Variants in FLVCR2 observed in about 807,000 individuals in gnomAD.
The protein encoded by FLVCR2 is choline/ethanolamine transporter FLVCR2.
Under a neutral mutation model 48.9 loss-of-function variants are expected in FLVCR2, and 38 were observed. The observed-to-expected ratio is 0.78, with a 90% CI of 0.60 to 1.02. The LOEUF (loss-of-function observed/expected upper bound fraction) is 1.02. Ranked by LOEUF, FLVCR2 falls within the 50% of genes least tolerant of loss-of-function variation. The pLI, the probability that FLVCR2 is intolerant of heterozygous loss-of-function variation, is 0.00. For synonymous variants in FLVCR2, 255 were observed against 257.0 expected, an observed-to-expected ratio of 0.99 and a Z score of 0.07; for missense variants, 664 against 663.3, an observed-to-expected ratio of 1.00 and a Z score of -0.01.
chr14:75,596,173 A>C, intron 1 of FLVCR2: 1 of 755,670 alleles, frequency 1.3e-6, no homozygotes, highest in Non-Finnish European at 2.4e-6. Flanking sequence ...TTGATCATGA[A>C]CTTTCTAGTG....
chr14:75,613,104 A>G (rs2140028941), intron 1 of FLVCR2, among the ~76,000 whole-genome samples: 1 of 152,224 alleles, frequency 6.6e-6, no homozygotes, highest in East Asian at 1.9e-4. Flanking sequence ...TCACTTCCAC[A>G]TAATTCCCCA....
chr14:75,579,389 G>A lies in FLVCR2; in HGVS notation c.417G>A (p.Leu139=), dbSNP rs751611612. 2 of 1,614,138 alleles carry A rather than the reference G, an allele frequency of 1.2e-6. No individual in the cohort carries two copies. The highest frequency in any genetic ancestry group is 2.2e-5 in the South Asian group (2 of 91,078). ...CYMLTYIPLL[L]PVAWLLEKFG... The stretch of plus-strand genomic sequence containing the variant: ...TGCTGACTTACATCCCTCTGCTCCT[G>A]CCAGTGGCTTGGCTGCTGGAGAAGT... Residue 139 remains leucine, a synonymous_variant, in exon 1 of 10, where the codon CTG becomes CTA. Coordinates refer to ENST00000238667, the MANE Select transcript of FLVCR2 (RefSeq NM_017791.3).
intron 3 of FLVCR2, chr14:75,632,735 TTTAG>T (rs1292409695): frequency 2.8e-6 from 2 of 702,342 alleles, no homozygotes; most frequent in Non-Finnish European, 2.6e-6. Flanking sequence ...AGCCTCAATG[TTTAG>T]TTAAAGTTAG....
At position 75,579,297 on chromosome 14, in the gene FLVCR2, A is replaced by G; in HGVS notation, c.325A>G (p.Asn109Asp). The G allele has an allele frequency of 6.2e-7, 1 of 1,614,206 alleles. No individual in the cohort carries two copies. Among genetic ancestry groups the G allele is most frequent in the Non-Finnish European group, 8.5e-7 (1 of 1,180,032 alleles). Residue 109 changes from asparagine to aspartate, a missense_variant, in exon 1 of 10, where the codon AAT becomes GAT. Asn to Asp is a conservative substitution (Grantham distance 23). Transcript: ENST00000238667. ...SFQWIQYGSI[N>D]NIFMHFYGVS... is the part of the protein sequence containing the mutation. ...TCAGTGGATCCAGTACGGCTCCATC[A>G]ATAACATCTTCATGCACTTCTACGG...
At chr14:75,586,762 C>G (rs1297731890) in intron 1 of FLVCR2, among the ~76,000 whole-genome samples, 1 of 151,950 alleles carries the variant, frequency 6.6e-6, no homozygotes, top group Admixed American at 6.6e-5. Flanking sequence ...GGAGCATTAC[C>G]TTCTGCTTGC....
chr14:75,590,465 G>C (rs1401108744), intron 1 of FLVCR2, among the ~76,000 whole-genome samples: 2 of 152,154 alleles, frequency 1.3e-5, no homozygotes, highest in African/African-American at 4.8e-5. Context: ...CATCTCTATA[G>C]TCCTGAGAGT....
intron 1 of FLVCR2, among the ~76,000 whole-genome samples, chr14:75,620,659 T>G (rs941660067): frequency 9.2e-5 from 14 of 152,224 alleles, no homozygotes; most frequent in African/African-American, 3.4e-4. Flanking sequence ...TTCTAAAATA[T>G]CTAGCAGAGT....
chr14:75,624,481 T>G (rs950041390), intron 2 of FLVCR2, 131 bp from the exon 3 acceptor site: 1 of 1,076,420 alleles, frequency 9.3e-7, no homozygotes, highest in Non-Finnish European at 1.4e-6. Flanking sequence ...AGGGTTTAAT[T>G]AAAGAATTAC....
At chr14:75,629,497 C>A (rs1290255287) in intron 3 of FLVCR2, among the ~76,000 whole-genome samples, 3 of 152,102 alleles carry the variant, frequency 2.0e-5, no homozygotes, top group African/African-American at 7.2e-5. Flanking sequence ...CTGCCAGTGT[C>A]TTTGGTGTGT....
Position 75,599,982 on chromosome 14 carries a change from G to A in FLVCR2, c.669+20341G>A, listed in dbSNP as rs114840384. 6.7e-3 allele frequency among the ~76,000 whole-genome samples: 1,017 copies of A among 152,272 alleles called. 10 individuals carry two copies. The highest frequency in any genetic ancestry group is 0.022 in the African/African-American group (897 of 41,544). Reference sequence around the variant, plus strand: ...CTTGAATAGGGGCTGGGTAAAATGAGGCTGACACCTACTGGGCTGCACTCC... The same window carrying A: ...CTTGAATAGGGGCTGGGTAAAATGAAGCTGACACCTACTGGGCTGCACTCC... On this transcript the variant is annotated intron_variant, in intron 1 of 9. Coordinates refer to ENST00000238667, the MANE Select transcript of FLVCR2 (RefSeq NM_017791.3).
At chr14:75,593,751 C>T (rs1409995939) in intron 1 of FLVCR2, among the ~76,000 whole-genome samples, 1 of 152,230 alleles carries the variant, frequency 6.6e-6, no homozygotes, top group South Asian at 2.1e-4. Flanking sequence ...TCTGAAATGT[C>T]TTCAGGGTTT....
chr14:75,619,004 A>G (rs1889690794), intron 1 of FLVCR2, among the ~76,000 whole-genome samples: 1 of 151,810 alleles, frequency 6.6e-6, no homozygotes, highest in African/African-American at 2.4e-5. Flanking sequence ...CGGGCAGATC[A>G]CTTGAGGTCA....
chr14:75,613,366 G>A (rs929816815), intron 1 of FLVCR2, among the ~76,000 whole-genome samples: 2 of 151,684 alleles, frequency 1.3e-5, no homozygotes, highest in Admixed American at 1.3e-4. Flanking sequence ...AGAGTGAGGG[G>A]GAAGATGCCA....
intron 1 of FLVCR2, among the ~76,000 whole-genome samples, chr14:75,620,406 T>C (rs1889733382): frequency 6.6e-6 from 1 of 152,208 alleles, no homozygotes; most frequent in South Asian, 2.1e-4. Flanking sequence ...GAACTCTGGG[T>C]GACCCTCAAC....
At position 75,595,939 on chromosome 14, in the gene FLVCR2, T is replaced by C. The variant is rs925601421; in HGVS notation, c.669+16298T>C. The C allele has an allele frequency of 9.8e-6, 14 of 1,434,318 alleles. No homozygotes were observed. In the African/African-American group the frequency reaches 2.0e-4, roughly 20 times the overall value. The allele number at this position is 1,434,318 out of a possible 1,614,324, so 88.8% of individuals were successfully genotyped here. ...TCATACAGGCCATGTCTTGCAAGTC[T>C]ATGTTTGGGTTCATTTTTCTTTGCA... On this transcript the variant is annotated intron_variant, in intron 1 of 9. Coordinates refer to ENST00000238667, the MANE Select transcript of FLVCR2 (RefSeq NM_017791.3).
intron 1 of FLVCR2, 130 bp from the exon 2 acceptor site, chr14:75,621,949 T>A: frequency 1.0e-6 from 1 of 989,632 alleles, no homozygotes; most frequent in African/African-American, 1.6e-5. Context: ...AGGTGAGAAA[T>A]AATCCCTGCA....
chr14:75,582,488 G>A (rs1241163033), intron 1 of FLVCR2, among the ~76,000 whole-genome samples: 1 of 152,208 alleles, frequency 6.6e-6, no homozygotes, highest in African/African-American at 2.4e-5. Context: ...AGTGAGTTGA[G>A]CATAGTTTGT....
At chr14:75,645,037 T>G (rs1306508558) in intron 9 of FLVCR2, among the ~76,000 whole-genome samples, 3 of 4,212 alleles carry the variant, frequency 7.1e-4, no homozygotes, top group Admixed American at 4.2e-3. Flanking sequence ...GGGCGTGGTG[T>G]GTGTGTGTGT....
chr14:75,625,725 G>C (rs941155336), intron 3 of FLVCR2, among the ~76,000 whole-genome samples: 1 of 151,950 alleles, frequency 6.6e-6, no homozygotes, highest in Non-Finnish European at 1.5e-5. Context: ...GTTGGCCATG[G>C]CTTCATGTTG....
Sources: allele counts gnomAD v4.1 joint callset (sites outside exome capture counted in the v4.1 genomes callset), GRCh38; gene constraint gnomAD v4.1.1; transcripts MANE v1.5; gene names NCBI Gene and HGNC (gene_info 2026-07-23, HGNC 2026-07-21).